FIG4: variants seen among roughly 807,000 people sequenced by gnomAD.
FIG4 encodes FIG4 phosphoinositide 5-phosphatase, also known as polyphosphoinositide phosphatase.
In FIG4, 112 loss-of-function variants were observed where a neutral mutation model predicts 118.6. The observed-to-expected ratio is 0.94, with a 90% CI of 0.81 to 1.11. The LOEUF (loss-of-function observed/expected upper bound fraction) is 1.11. FIG4 is among the 50% of genes least tolerant of loss of function. The probability of loss-of-function intolerance (pLI) is 0.00; values close to 1 mark genes in which losing one functional copy is unlikely to be tolerated. For synonymous variants in FIG4, 369 were observed against 381.2 expected, an observed-to-expected ratio of 0.97 and a Z score of 0.37; for missense variants, 969 against 1,111.7, an observed-to-expected ratio of 0.87 and a Z score of 1.83.
chr6:109,797,781 A>G (rs1778326816), intron 22 of FIG4, among the ~76,000 whole-genome samples: 1 of 151,908 alleles, frequency 6.6e-6, no homozygotes, highest in East Asian at 1.9e-4. Context: ...CTGTAATTCC[A>G]GATACTCAGG....
chr6:109,716,703 T>G (rs910569570), intron 3 of FIG4, 135 bp downstream of exon 3: 15 of 1,023,220 alleles, frequency 1.5e-5, no homozygotes, highest in Non-Finnish European at 2.2e-5. Flanking sequence ...ATTTAAAACT[T>G]CATTATCCAT....
chr6:109,730,192 A>G (rs776407906), intron 4 of FIG4, among the ~76,000 whole-genome samples: 5 of 151,886 alleles, frequency 3.3e-5, no homozygotes, highest in Non-Finnish European at 5.9e-5. Flanking sequence ...GGGACTACAG[A>G]CACATGCCAC....
chr6:109,750,613 A>G (rs1396422402), intron 10 of FIG4, among the ~76,000 whole-genome samples: 2 of 152,160 alleles, frequency 1.3e-5, no homozygotes, highest in Non-Finnish European at 2.9e-5. Flanking sequence ...AGCCTGGGCG[A>G]CAGAGTGAGA....
Position 109,765,298 on chromosome 6 carries a change from G to A in FIG4, c.1583+137G>A, listed in dbSNP as rs573497140. ...TTGCTAGAAAACATTATTCAAACTC[G>A]TTCTGTTTTTCTTATATTTTCTTCT... is the stretch of plus-strand genomic sequence containing the variant. On this transcript the variant is annotated intron_variant, in intron 14 of 22. Transcript: ENST00000230124. 6.6e-4 allele frequency: 484 copies of A among 737,286 alleles called. 5 individuals carry two copies. The South Asian group carries it at 7.9e-3, about 12-fold the overall frequency. The allele number at this position is 737,286 out of a possible 1,614,324, so 45.7% of individuals were successfully genotyped here.
intron 1 of FIG4, among the ~76,000 whole-genome samples, chr6:109,706,708 G>A (rs1775077727): frequency 6.6e-6 from 1 of 152,188 alleles, no homozygotes; most frequent in African/African-American, 2.4e-5. Context: ...TGTGGTCACT[G>A]TGTTAGGTGC....
At chr6:109,726,655 G>T (rs925536302) in intron 3 of FIG4, among the ~76,000 whole-genome samples, 5 of 152,164 alleles carry the variant, frequency 3.3e-5, no homozygotes, top group Non-Finnish European at 5.9e-5. Context: ...AAAGTCAATG[G>T]TAGCTTGATG....
chr6:109,692,146 T>C (rs940166523), intron 1 of FIG4, among the ~76,000 whole-genome samples: 1 of 152,252 alleles, frequency 6.6e-6, no homozygotes, highest in African/African-American at 2.4e-5. Flanking sequence ...GCAGATCAGT[T>C]TGTATTTCGA....
Position 109,777,075 on chromosome 6 carries a change from A to G in FIG4, c.1889+15A>G. 6.2e-7 allele frequency: 1 copy of G among 1,607,584 alleles called. No individual in the cohort carries two copies. On this transcript the variant is annotated intron_variant, in intron 16 of 22. Coordinates refer to ENST00000230124, the MANE Select transcript of FIG4 (RefSeq NM_014845.6). The stretch of plus-strand genomic sequence containing the variant: ...ACAAGAAGAAGGTATTTTTCTTCCT[A>G]GTCTGTAATATAAACTCCCATTTGG...
intron 1 of FIG4, among the ~76,000 whole-genome samples, chr6:109,693,786 A>G (rs1259004728): frequency 6.6e-6 from 1 of 152,130 alleles, no homozygotes; most frequent in Non-Finnish European, 1.5e-5. Flanking sequence ...TCTTTGTTTC[A>G]GCAAATGGTT....
At chr6:109,707,967 G>T (rs1775139881) in intron 1 of FIG4, among the ~76,000 whole-genome samples, 1 of 148,302 alleles carries the variant, frequency 6.7e-6, no homozygotes, top group Non-Finnish European at 1.5e-5. Context: ...TCTACATTTT[G>T]ATTATTCATT....
intron 1 of FIG4, among the ~76,000 whole-genome samples, chr6:109,712,262 T>C (rs1047384085): frequency 2.0e-5 from 3 of 152,188 alleles, no homozygotes; most frequent in Admixed American, 6.5e-5. Flanking sequence ...AGTATCTGAC[T>C]GGGGTTCTCT....
At chr6:109,821,485 A>G (rs1779004762) in intron 22 of FIG4, among the ~76,000 whole-genome samples, 1 of 152,250 alleles carries the variant, frequency 6.6e-6, no homozygotes, top group South Asian at 2.1e-4. Flanking sequence ...AAGAGGTTAA[A>G]ACAGAAACAT....
At chr6:109,709,023 T>C (rs908131413) in intron 1 of FIG4, among the ~76,000 whole-genome samples, 2 of 152,240 alleles carry the variant, frequency 1.3e-5, no homozygotes, top group Non-Finnish European at 2.9e-5. Context: ...ATCTTCATCA[T>C]GAAATCTTTG....
intron 1 of FIG4, among the ~76,000 whole-genome samples, chr6:109,703,734 C>T (rs1350835901): frequency 2.6e-5 from 4 of 152,180 alleles, no homozygotes; most frequent in South Asian, 2.1e-4. Context: ...CACTCACAAG[C>T]GCCTGTCATC....
intron 22 of FIG4, among the ~76,000 whole-genome samples, chr6:109,819,954 G>A (rs1778960532): frequency 6.6e-6 from 1 of 152,198 alleles, no homozygotes; most frequent in African/African-American, 2.4e-5. Context: ...AGGAAAAAGA[G>A]CAAAAAGTCT....
intron 10 of FIG4, among the ~76,000 whole-genome samples, chr6:109,754,252 G>T (rs1010860083): frequency 2.6e-5 from 4 of 152,146 alleles, no homozygotes; most frequent in African/African-American, 9.7e-5. Flanking sequence ...TTATTGATTT[G>T]TGTATATTGA....
chr6:109,718,097 A>T (rs1376213495), intron 3 of FIG4, among the ~76,000 whole-genome samples: 2 of 152,298 alleles, frequency 1.3e-5, no homozygotes, highest in African/African-American at 2.4e-5. Context: ...ATTATGGCAG[A>T]AGGGGAAGGG....
intron 1 of FIG4, among the ~76,000 whole-genome samples, chr6:109,701,546 A>G (rs1379570438): frequency 6.6e-6 from 1 of 152,210 alleles, no homozygotes; most frequent in Non-Finnish European, 1.5e-5. Context: ...CTAGGTCTGC[A>G]TGTGTCTATT....
At chr6:109,707,738 C>G (rs896031193) in intron 1 of FIG4, among the ~76,000 whole-genome samples, 6 of 151,886 alleles carry the variant, frequency 4.0e-5, no homozygotes, top group Admixed American at 1.3e-4. Context: ...CTTTGTGTAT[C>G]TACACCTTAT....
Sources: gnomAD v4.1 joint callset for allele counts (sites outside exome capture counted in the v4.1 genomes callset) on GRCh38, gnomAD v4.1.1 for gene constraint, MANE v1.5 for transcripts, NCBI Gene and HGNC (gene_info 2026-07-23, HGNC 2026-07-21) for gene names.